MMP16: variants seen among roughly 807,000 people sequenced by gnomAD.
MMP16 encodes matrix metalloproteinase-16.
MMP16 carries 12 observed loss-of-function variants against 67.8 expected under a neutral mutation model. The ratio of observed to expected loss-of-function variants is 0.18; its 90% CI spans 0.11 to 0.29. MMP16 has a LOEUF of 0.29. Among genes scored for constraint, MMP16 ranks in the 10% least tolerant of loss-of-function variants. The probability of loss-of-function intolerance (pLI) is 1.00; values close to 1 mark genes in which losing one functional copy is unlikely to be tolerated. For synonymous variants in MMP16, 249 were observed against 255.9 expected (o/e 0.97, Z 0.26); for missense variants, 475 against 765.7 (o/e 0.62, Z 4.48).
At chr8:88,163,441 G>A (rs1563550930) in intron 4 of MMP16, among the ~76,000 whole-genome samples, 1 of 151,892 alleles carries the variant, frequency 6.6e-6, no homozygotes, top group African/African-American at 2.4e-5. Flanking sequence ...ATCTCCTTAT[G>A]TTAGGCAGTG....
intron 6 of MMP16, among the ~76,000 whole-genome samples, chr8:88,076,807 A>G (rs11785236): frequency 0.28 from 43,047 of 152,068 alleles, 6,618 homozygotes; most frequent in Non-Finnish European, 0.35. Context: ...AAATGAATAA[A>G]CAAATGGATT....
At chr8:88,270,776 G>A (rs1810551988) in intron 1 of MMP16, among the ~76,000 whole-genome samples, 1 of 152,070 alleles carries the variant, frequency 6.6e-6, no homozygotes, top group South Asian at 2.1e-4. Flanking sequence ...TCTTTATTTT[G>A]TGCCTTTCTA....
At chr8:88,093,647 T>C (rs988694046) in intron 6 of MMP16, among the ~76,000 whole-genome samples, 1 of 151,862 alleles carries the variant, frequency 6.6e-6, no homozygotes, top group Non-Finnish European at 1.5e-5. Flanking sequence ...AATAAAATTT[T>C]AAAATTAAGA....
At chr8:88,260,630 C>T (rs1363901985) in intron 1 of MMP16, among the ~76,000 whole-genome samples, 2 of 151,986 alleles carry the variant, frequency 1.3e-5, no homozygotes, top group Admixed American at 1.3e-4. Context: ...ATCTCTTCTA[C>T]TTCTACCAAG....
At chr8:88,135,771 T>C (rs1449509373) in intron 4 of MMP16, among the ~76,000 whole-genome samples, 1 of 151,932 alleles carries the variant, frequency 6.6e-6, no homozygotes. Flanking sequence ...TGATGATATA[T>C]TAACAAAGGC....
At chr8:88,114,929 G>C (rs1487142095) in intron 6 of MMP16, among the ~76,000 whole-genome samples, 1 of 151,908 alleles carries the variant, frequency 6.6e-6, no homozygotes, top group Non-Finnish European at 1.5e-5. Context: ...AGGAACCAGT[G>C]ATCACAGGAC....
At chr8:88,218,843 G>A (rs1160421429) in intron 1 of MMP16, among the ~76,000 whole-genome samples, 2 of 151,940 alleles carry the variant, frequency 1.3e-5, no homozygotes, top group East Asian at 1.9e-4. Flanking sequence ...TACAGAAAAA[G>A]ACCCAATGGT....
intron 1 of MMP16, among the ~76,000 whole-genome samples, chr8:88,283,328 T>C (rs1810770964): frequency 1.3e-5 from 2 of 152,212 alleles, no homozygotes; most frequent in Admixed American, 1.3e-4. Flanking sequence ...TGCATGAGCA[T>C]TTGAGTCAGG....
chr8:88,286,866 C>T lies in MMP16; in HGVS notation c.132+40209G>A, dbSNP rs1181509394. On this transcript the variant is annotated intron_variant, in intron 1 of 9. Transcript: ENST00000286614. ...GATTACAGGCATGAGCCACCACGCC[C>T]GGCCTGGAACTCTTTGATCAACAGC... Among the ~76,000 whole-genome samples the T allele has an allele frequency of 2.6e-5, 4 of 152,054 alleles. No individual in the cohort carries two copies. The East Asian group carries it at 5.8e-4, about 22-fold the overall frequency.
intron 4 of MMP16, among the ~76,000 whole-genome samples, chr8:88,137,038 A>T (rs1231771548): frequency 6.6e-6 from 1 of 151,910 alleles, no homozygotes; most frequent in Non-Finnish European, 1.5e-5. Context: ...ATTCTCATGA[A>T]CAATTGAATA....
intron 1 of MMP16, among the ~76,000 whole-genome samples, chr8:88,242,009 A>T (rs1327629829): frequency 6.6e-6 from 1 of 152,188 alleles, no homozygotes; most frequent in South Asian, 2.1e-4. Flanking sequence ...TCTTGGAACA[A>T]CTAGATGTAT....
intron 1 of MMP16, among the ~76,000 whole-genome samples, chr8:88,310,784 G>C (rs1811282992): frequency 6.6e-6 from 1 of 152,050 alleles, no homozygotes; most frequent in African/African-American, 2.4e-5. Flanking sequence ...CAGGCAAGAA[G>C]AGAGAAAAAA....
chr8:88,241,898 G>C (rs1355338588), intron 1 of MMP16, among the ~76,000 whole-genome samples: 1 of 151,966 alleles, frequency 6.6e-6, no homozygotes, highest in African/African-American at 2.4e-5. Context: ...AAATTATTAA[G>C]TACTATTTTT....
intron 1 of MMP16, among the ~76,000 whole-genome samples, chr8:88,289,896 C>G (rs1378439670): frequency 1.3e-5 from 2 of 152,112 alleles, no homozygotes; most frequent in African/African-American, 4.8e-5. Context: ...CTCCAGCTGG[C>G]TCTAGGGTGC....
At chr8:88,113,152 G>A (rs1260412177) in intron 6 of MMP16, among the ~76,000 whole-genome samples, 2 of 151,768 alleles carry the variant, frequency 1.3e-5, no homozygotes, top group East Asian at 3.9e-4. Context: ...CTGCTCTGGA[G>A]AAGTAAAAAT....
chr8:88,173,289 C>T (rs533675148), intron 3 of MMP16, among the ~76,000 whole-genome samples: 73 of 152,074 alleles, frequency 4.8e-4, no homozygotes, highest in South Asian at 2.7e-3. Flanking sequence ...TAGGCTCAAG[C>T]GATTCACTCA....
intron 4 of MMP16, among the ~76,000 whole-genome samples, chr8:88,147,615 G>A (rs1321440416): frequency 2.6e-5 from 4 of 151,796 alleles, no homozygotes; most frequent in Non-Finnish European, 5.9e-5. Flanking sequence ...GTAATTCTAG[G>A]TTGAGTTATT....
At chr8:88,297,761 G>C (rs2130034355) in intron 1 of MMP16, among the ~76,000 whole-genome samples, 1 of 152,296 alleles carries the variant, frequency 6.6e-6, no homozygotes, top group South Asian at 2.1e-4. Flanking sequence ...CAACTTCTCT[G>C]TGACTTCAGT....
At position 88,327,283 on chromosome 8, in the gene MMP16, C is replaced by T; in HGVS notation, c.-77G>A. On this transcript the variant is annotated 5_prime_UTR_variant, in exon 1 of 10. Coordinates refer to ENST00000286614, the MANE Select transcript of MMP16 (RefSeq NM_005941.5). ...CTCCCTCTCCCTCCCTCCCTCGTTT[C>T]CTTTCAAAAAAAAGTCCTCCGGGTG... The T allele has an allele frequency of 6.3e-7, 1 of 1,592,042 alleles. No homozygotes were observed. The highest frequency in any genetic ancestry group is 8.6e-7 in the Non-Finnish European group (1 of 1,166,718).
Sources: gnomAD v4.1 joint callset for allele counts (sites outside exome capture counted in the v4.1 genomes callset) on GRCh38, gnomAD v4.1.1 for gene constraint, MANE v1.5 for transcripts, NCBI Gene and HGNC (gene_info 2026-07-23, HGNC 2026-07-21) for gene names.